Variants in IDO2 observed in about 807,000 individuals in gnomAD.
IDO2 encodes the protein indoleamine 2,3-dioxygenase-like 1 protein.
In IDO2, 46 loss-of-function variants were observed where a neutral mutation model predicts 45.1. The ratio of observed to expected loss-of-function variants is 1.02; its 90% CI spans 0.80 to 1.30. The LOEUF (loss-of-function observed/expected upper bound fraction) is 1.30. Ranked by LOEUF, IDO2 falls within the 50% of genes most tolerant of loss-of-function variation. IDO2 has a pLI of 0.00. For missense variants in IDO2, 544 were observed against 491.8 expected, an observed-to-expected ratio of 1.11 and a Z score of -1.00; for synonymous variants, 218 against 184.9, an observed-to-expected ratio of 1.18 and a Z score of -1.45.
At chr8:39,954,530 G>C (rs1286865404) in intron 2 of IDO2, among the ~76,000 whole-genome samples, 1 of 152,044 alleles carries the variant, frequency 6.6e-6, no homozygotes, top group East Asian at 1.9e-4. Flanking sequence ...CCAAGATCAA[G>C]GTGTCGTGGA....
intron 1 of IDO2, among the ~76,000 whole-genome samples, chr8:39,939,830 C>T (rs1163993676): frequency 3.3e-5 from 5 of 152,044 alleles, no homozygotes; most frequent in African/African-American, 4.8e-5. Flanking sequence ...AATGTACCAG[C>T]GTTATCGATT....
chr8:39,964,984 G>C (rs1348168256), intron 3 of IDO2, among the ~76,000 whole-genome samples: 3 of 152,244 alleles, frequency 2.0e-5, no homozygotes, highest in African/African-American at 7.2e-5. Context: ...GCCTGGAACA[G>C]TTGGCAAGAG....
In IDO2 at chr8:39,969,510, G is replaced by T. The variant is rs1808148519; in HGVS notation, c.195+5807G>T. 1.3e-5 allele frequency among the ~76,000 whole-genome samples: 2 copies of T among 152,004 alleles called. 1 individual carries two copies. Among genetic ancestry groups the T allele is most frequent in the Non-Finnish European group, 2.9e-5 (2 of 68,032 alleles). On this transcript the variant is annotated intron_variant, in intron 3 of 10. Coordinates refer to ENST00000502986, the Ensembl canonical transcript of IDO2. The stretch of plus-strand genomic sequence containing the variant: ...TGAGACATAATAATATTGAAATTAG[G>T]CCAATTAATAATCCTACAATGGCCT...
intron 1 of IDO2, among the ~76,000 whole-genome samples, chr8:39,943,810 T>C (rs886235607): frequency 3.3e-5 from 5 of 150,518 alleles, no homozygotes; most frequent in African/African-American, 9.8e-5. Context: ...AATGCTTTCG[T>C]CTAAGAACTG....
exon 11 of IDO2, chr8:40,015,557 T>C (rs1195160352): frequency 1.2e-6 from 2 of 1,613,794 alleles, no homozygotes; most frequent in Middle Eastern, 1.7e-4. Context: ...TTCTTAAGAG[T>C]GTCAGGGATA....
intron 1 of IDO2, among the ~76,000 whole-genome samples, chr8:39,946,304 C>G (rs376935309): frequency 1.3e-5 from 2 of 152,212 alleles, no homozygotes; most frequent in East Asian, 3.8e-4. Context: ...CTCAGGCCAC[C>G]AAGTTGTCCT....
chr8:39,995,254 T>TCTCCTTCTC (rs1563438309), intron 8 of IDO2: 16 of 109,186 alleles, frequency 1.5e-4, no homozygotes, highest in African/African-American at 5.1e-4. Context: ...TCCTTCTCCT[T>TCTCCTTCTC]CTTCTTCTTC....
intron 5 of IDO2, 40 bp downstream of exon 5, chr8:39,982,810 C>A (rs753825610): frequency 1.6e-6 from 2 of 1,288,396 alleles, no homozygotes; most frequent in Non-Finnish European, 2.2e-6. Flanking sequence ...CCATAACTTT[C>A]CCCCAGGAAA....
rs985106147 is a variant in IDO2, at chr8:39,957,499, C to T, written c.100-6109C>T. Among the ~76,000 whole-genome samples the T allele has an allele frequency of 8.6e-5, 13 of 152,002 alleles. No individual in the cohort carries two copies. In the East Asian group the frequency reaches 1.5e-3, roughly 18 times the overall value. ...ATGATCCTATGTGCCTGTGTTCCAG[C>T]TACTTGGGAGGCTGAGGTGGGAAGA... is the stretch of plus-strand genomic sequence containing the variant. On this transcript the variant is annotated intron_variant, in intron 2 of 10. Coordinates refer to ENST00000502986, the Ensembl canonical transcript of IDO2.
intron 8 of IDO2, among the ~76,000 whole-genome samples, chr8:39,992,895 G>A (rs575517987): frequency 6.6e-6 from 1 of 152,170 alleles, no homozygotes; most frequent in East Asian, 1.9e-4. Flanking sequence ...CTGCAGTGGC[G>A]TTTTGGAGAG....
At chr8:40,015,644 G>A (rs1429032591) in exon 11 of IDO2, 2 of 1,435,296 alleles carry the variant, frequency 1.4e-6, no homozygotes, top group Non-Finnish European at 9.6e-7. Context: ...CCCATGGAGG[G>A]CAGGTGGGCC....
At chr8:39,977,697 G>GAAACA (rs1432272817) in intron 3 of IDO2, among the ~76,000 whole-genome samples, 1 of 152,142 alleles carries the variant, frequency 6.6e-6, no homozygotes, top group Non-Finnish European at 1.5e-5. Context: ...AAAACAAAAC[G>GAAACA]AAACAAAACA....
chr8:39,997,516 A>C (rs1802064273), intron 8 of IDO2, among the ~76,000 whole-genome samples: 1 of 149,718 alleles, frequency 6.7e-6, no homozygotes, highest in South Asian at 2.1e-4. Flanking sequence ...ACAAAAAAAT[A>C]CAAAAATTAG....
chr8:39,974,808 C>G (rs1460447038), intron 3 of IDO2, among the ~76,000 whole-genome samples: 1 of 152,226 alleles, frequency 6.6e-6, no homozygotes, highest in Non-Finnish European at 1.5e-5. Context: ...GTAGTCCCAT[C>G]TACTTGGGAG....
intron 2 of IDO2, among the ~76,000 whole-genome samples, chr8:39,950,327 T>C (rs1585396984): frequency 6.6e-6 from 1 of 151,652 alleles, no homozygotes; most frequent in South Asian, 2.1e-4. Context: ...GGTTCAGGAG[T>C]TCAAGACCAG....
intron 3 of IDO2, among the ~76,000 whole-genome samples, chr8:39,977,240 T>C (rs1808271796): frequency 6.6e-6 from 1 of 152,162 alleles, no homozygotes; most frequent in South Asian, 2.1e-4. Context: ...GAATTGATGA[T>C]AAACAGGCAA....
At chr8:39,980,366 T>C (rs758640524) in intron 4 of IDO2, among the ~76,000 whole-genome samples, 71 of 152,302 alleles carry the variant, frequency 4.7e-4, no homozygotes, top group Middle Eastern at 3.4e-3. Flanking sequence ...AGGGGACACA[T>C]TGACATTTAC....
intron 8 of IDO2, among the ~76,000 whole-genome samples, chr8:39,999,458 T>A (rs765417386): frequency 3.3e-5 from 5 of 152,116 alleles, no homozygotes; most frequent in Admixed American, 6.5e-5. Context: ...TTTGTATTTT[T>A]AGTAGAAATA....
chr8:39,962,299 C>T (rs1392761535), intron 2 of IDO2, among the ~76,000 whole-genome samples: 2 of 152,154 alleles, frequency 1.3e-5, no homozygotes, highest in African/African-American at 4.8e-5. Flanking sequence ...TAATATATGG[C>T]TTCTCCTTTC....
Sources: allele counts gnomAD v4.1 joint callset (sites outside exome capture counted in the v4.1 genomes callset), GRCh38; gene constraint gnomAD v4.1.1; transcripts MANE v1.5; gene names NCBI Gene and HGNC (gene_info 2026-07-23, HGNC 2026-07-21).